The following GOLGA1 variants were observed in gnomAD, a reference collection of about 807,000 sequenced individuals.
The protein encoded by GOLGA1 is golgin A1.
In GOLGA1, 63 loss-of-function variants were observed where a neutral mutation model predicts 119.7. That is an observed-to-expected ratio of 0.53 (90% CI 0.43 to 0.65). The LOEUF is 0.65. Ranked by LOEUF, GOLGA1 falls within the 30% of genes least tolerant of loss-of-function variation. GOLGA1 has a pLI of 0.00. For missense variants in GOLGA1, 798 were observed against 912.8 expected, an observed-to-expected ratio of 0.87 and a Z score of 1.62; for synonymous variants, 318 against 333.4, an observed-to-expected ratio of 0.95 and a Z score of 0.50.
At chr9:124,912,064 C>T in intron 10 of GOLGA1, 38 bp from the exon 11 acceptor site, 1 of 1,588,738 alleles carries the variant, frequency 6.3e-7, no homozygotes, top group South Asian at 1.1e-5. Context: ...TACTAGAAGC[C>T]CTCTCTTCCT....
chr9:124,903,651 C>CAAAAAAAAAAAAAAAAAAAAAACA (rs11435294), intron 12 of GOLGA1, among the ~76,000 whole-genome samples: 1 of 91,282 alleles, frequency 1.1e-5, no homozygotes, highest in African/African-American at 4.4e-5. Flanking sequence ...AGAAAAAGAC[C>CAAAAAAAAAAAAAAAAAAAAAACA]AAAAAAAAAA....
chr9:124,941,971 A>G (rs1449214707), upstream of GOLGA1, among the ~76,000 whole-genome samples: 1 of 152,148 alleles, frequency 6.6e-6, no homozygotes, highest in African/African-American at 2.4e-5. Context: ...AGGAAAAACT[A>G]TCTTGTTCCA....
chr9:124,929,056 T>C (rs1588093918), intron 5 of GOLGA1, among the ~76,000 whole-genome samples, 160 bp downstream of exon 5: 1 of 152,348 alleles, frequency 6.6e-6, no homozygotes, highest in East Asian at 1.9e-4. Flanking sequence ...TGCATACTTA[T>C]AAATATCATC....
chr9:124,918,230 A>C (rs1830491629), intron 10 of GOLGA1, among the ~76,000 whole-genome samples: 2 of 152,136 alleles, frequency 1.3e-5, no homozygotes, highest in South Asian at 4.1e-4. Context: ...TAGTAATTAT[A>C]TATGTGATTA....
chr9:124,918,965 A>G (rs1366100449), intron 10 of GOLGA1, among the ~76,000 whole-genome samples: 1 of 151,762 alleles, frequency 6.6e-6, no homozygotes, highest in Admixed American at 6.6e-5. Context: ...TGAAAAATCT[A>G]GGGCTGAGTG....
intron 15 of GOLGA1, among the ~76,000 whole-genome samples, chr9:124,897,512 T>C (rs963711925): frequency 2.0e-5 from 3 of 152,090 alleles, no homozygotes; most frequent in African/African-American, 7.2e-5. Context: ...GGCTAATTGT[T>C]GAATTTTTAG....
intron 3 of GOLGA1, among the ~76,000 whole-genome samples, chr9:124,933,246 G>A (rs572790100): frequency 1.3e-5 from 2 of 152,178 alleles, no homozygotes; most frequent in African/African-American, 4.8e-5. Flanking sequence ...GCCTCAGACT[G>A]TTATCCTTAG....
Position 124,880,466 on chromosome 9 carries a change from G to T in GOLGA1, c.*64C>A. 2 of 871,826 alleles carry T rather than the reference G, an allele frequency of 2.3e-6. 1 individual carries two copies. Among genetic ancestry groups the T allele is most frequent in the South Asian group, 2.6e-5 (2 of 76,070 alleles). The allele number at this position is 871,826 out of a possible 1,614,324, so 54.0% of individuals were successfully genotyped here. Reference sequence around the variant, plus strand: ...TGATTAAAAACCCACCCAGACTGGTGTGTCAGTGTTCTTTTCACAGAAAAA... The same window carrying T: ...TGATTAAAAACCCACCCAGACTGGTTTGTCAGTGTTCTTTTCACAGAAAAA... On this transcript the variant is annotated 3_prime_UTR_variant, in exon 23 of 23. Coordinates refer to ENST00000373555, the MANE Select transcript of GOLGA1 (RefSeq NM_002077.4).
chr9:124,906,908 T>C (rs1226942225), intron 12 of GOLGA1, among the ~76,000 whole-genome samples: 1 of 152,132 alleles, frequency 6.6e-6, no homozygotes, highest in Non-Finnish European at 1.5e-5. Flanking sequence ...TATATTTACA[T>C]TGTTAGAAGG....
chr9:124,933,831 T>C (rs1326329551), intron 3 of GOLGA1, among the ~76,000 whole-genome samples: 2 of 152,232 alleles, frequency 1.3e-5, no homozygotes, highest in African/African-American at 4.8e-5. Flanking sequence ...TTACATGTGT[T>C]GTCACAACTC....
intron 12 of GOLGA1, among the ~76,000 whole-genome samples, chr9:124,906,678 A>C (rs1200021953): frequency 6.7e-6 from 1 of 149,630 alleles, no homozygotes; most frequent in African/African-American, 2.5e-5. Context: ...CTTGAACCCG[A>C]GAGGTGGAGG....
chr9:124,946,777 A>G lies in GOLGA1; in HGVS notation c.-156+1141T>C, dbSNP rs1186282782. On this transcript the variant is annotated intron_variant, in intron 1 of 4. Transcript: ENST00000421514. The surrounding 1 kb of genome is among the most constrained non-coding windows in gnomAD (Gnocchi z 4.0). ...TAAAAACTCTACTTCATGTGCGAAT[A>G]TATCATCAACTTGCAGAACACAAGT... 1 of 152,216 alleles carries G rather than the reference A, an allele frequency of 6.6e-6. No homozygotes were observed. Among genetic ancestry groups the G allele is most frequent in the African/African-American group, 2.4e-5 (1 of 41,454 alleles). 9.4% of individuals were successfully genotyped at this position (152,216 alleles called of 1,614,324 possible).
At position 124,879,171 on chromosome 9, in the gene GOLGA1, T is replaced by C. The variant is rs1026593732; in HGVS notation, c.*1359A>G. 3 of 152,242 alleles carry C rather than the reference T, an allele frequency of 2.0e-5. No homozygotes were observed. Among genetic ancestry groups the C allele is most frequent in the Non-Finnish European group, 4.4e-5 (3 of 68,046 alleles). 9.4% of individuals were successfully genotyped at this position (152,242 alleles called of 1,614,324 possible). On this transcript the variant is annotated 3_prime_UTR_variant, in exon 23 of 23. Coordinates refer to ENST00000373555, the MANE Select transcript of GOLGA1 (RefSeq NM_002077.4). ...CATGATTGAGAAATACAACTTTCCA[T>C]CACTGGATAATGGATAATAAATTTA...
At chr9:124,912,819 G>A (rs1039122082) in intron 10 of GOLGA1, among the ~76,000 whole-genome samples, 2 of 152,126 alleles carry the variant, frequency 1.3e-5, no homozygotes, top group African/African-American at 4.8e-5. Context: ...TAGGATTACA[G>A]GCGTAAGCCA....
chr9:124,940,663 G>T, intron 1 of GOLGA1, among the ~76,000 whole-genome samples: 1 of 152,088 alleles, frequency 6.6e-6, no homozygotes, highest in East Asian at 1.9e-4. Context: ...CTCCAGCCCC[G>T]CCCGTGCTTT....
In GOLGA1 at chr9:124,921,840, C is replaced by A; in HGVS notation, c.614G>T (p.Arg205Leu). Residue 205 changes from arginine to leucine, a missense_variant, in exon 9 of 23, where the codon CGA becomes CTA. Arg to Leu is a moderately radical substitution (Grantham distance 102). Coordinates refer to ENST00000373555, the MANE Select transcript of GOLGA1 (RefSeq NM_002077.4). ...CTGGGTACGACTAAGTTCTCTGGTT[C>A]GTGCCTCCAATTCTTGTTCCATTTT... ...LGKMEQELEA[R>L]TRELSRTQEE... 6.2e-7 allele frequency: 1 copy of A among 1,613,470 alleles called. No homozygotes were observed. The highest frequency in any genetic ancestry group is 8.5e-7 in the Non-Finnish European group (1 of 1,179,402).
chr9:124,921,189 C>A lies in GOLGA1; in HGVS notation c.783G>T (p.Leu261=). 6.2e-7 allele frequency: 1 copy of A among 1,613,410 alleles called. No individual in the cohort carries two copies. The highest frequency in any genetic ancestry group is 1.1e-5 in the South Asian group (1 of 91,052). ...CTTGGAGCTCTTGTTCCTTTTGTTC[C>A]AGGGCTGTGATCTTACTTTCTGCAC... ...KTGAESKITA[L]EQKEQELQAL... The change falls in exon 10 of 23, where the codon CTG becomes CTT. Residue 261 remains leucine (L), a synonymous_variant. Transcript: ENST00000373555.
chr9:124,931,186 C>T (rs1830764721), intron 4 of GOLGA1, 130 bp downstream of exon 4: 1 of 602,892 alleles, frequency 1.7e-6, no homozygotes, highest in Admixed American at 2.8e-5. Context: ...GGTATACTTG[C>T]TCCTTTCTAA....
chr9:124,919,392 A>AT (rs1466806978), intron 10 of GOLGA1, among the ~76,000 whole-genome samples: 4 of 152,268 alleles, frequency 2.6e-5, no homozygotes, highest in Non-Finnish European at 5.9e-5. Flanking sequence ...AAGGAAAACA[A>AT]TGTCTGTATT....
Sources: allele counts gnomAD v4.1 joint callset (sites outside exome capture counted in the v4.1 genomes callset), GRCh38; gene constraint gnomAD v4.1.1; non-coding constraint Gnocchi (gnomAD v3.1); transcripts MANE v1.5; gene names NCBI Gene and HGNC (gene_info 2026-07-23, HGNC 2026-07-21).